Variants in DMBT1 observed in about 807,000 individuals in gnomAD.
DMBT1 encodes deleted in malignant brain tumors 1, also known as scavenger receptor cysteine-rich domain-containing protein DMBT1.
A neutral mutation model predicts 252.9 loss-of-function variants in DMBT1; 198 were observed. That is an observed-to-expected ratio of 0.78 (90% CI 0.70 to 0.88). The LOEUF (loss-of-function observed/expected upper bound fraction) is 0.88. Ranked by LOEUF, DMBT1 falls within the 40% of genes least tolerant of loss-of-function variation. The pLI, the probability that DMBT1 is intolerant of heterozygous loss-of-function variation, is 0.00. For synonymous variants in DMBT1, 990 were observed against 942.7 expected (o/e 1.05, Z -0.92); for missense variants, 2,432 against 2,404.7 (o/e 1.01, Z -0.24).
Position 122,592,850 on chromosome 10 carries a change from G to A in DMBT1, c.2500+255G>A, listed in dbSNP as rs922439311. 1.0e-4 allele frequency among the ~76,000 whole-genome samples: 15 copies of A among 148,514 alleles called. 1 individual carries two copies. Among genetic ancestry groups the A allele is most frequent in the African/African-American group, 3.4e-4 (14 of 41,096 alleles). On this transcript the variant is annotated intron_variant, in intron 20 of 55. Coordinates refer to ENST00000338354, the MANE Select transcript of DMBT1 (RefSeq NM_001377530.1). ...CTTCCTGAGGCAGTGCAAGAAAGAG[G>A]CCGAAGAGAAAACTGCTGGCTCCCC...
At chr10:122,624,182 G>A (rs2098097248) in intron 44 of DMBT1, among the ~76,000 whole-genome samples, 2 of 152,120 alleles carry the variant, frequency 1.3e-5, no homozygotes, top group Admixed American at 1.3e-4. Context: ...TGCTGCAGGG[G>A]CACTTGAGCC....
At chr10:122,589,521 G>T (rs565997209) in intron 17 of DMBT1, among the ~76,000 whole-genome samples, 1 of 148,240 alleles carries the variant, frequency 6.7e-6, no homozygotes, top group African/African-American at 2.4e-5. Context: ...CAAGCAGAGG[G>T]AGAAGAGGAA....
At chr10:122,632,794 A>G (rs1177842606) in intron 50 of DMBT1, 67 bp from the exon 51 acceptor site, 1 of 1,587,042 alleles carries the variant, frequency 6.3e-7, no homozygotes, top group Non-Finnish European at 8.6e-7. Flanking sequence ...TGCACAGCTC[A>G]TGAGCAGTCG....
intron 52 of DMBT1, among the ~76,000 whole-genome samples, chr10:122,634,430 TTCTCTCTC>T (rs764559052): frequency 0.037 from 2,729 of 74,122 alleles, 153 homozygotes; most frequent in Non-Finnish European, 0.053. Context: ...TCTCTCTCTC[TTCTCTCTC>T]TCTCTCTCTC....
rs201587029 is a variant in DMBT1 at position 122,576,403 on chromosome 10, T to C, written c.288T>C (p.Ser96=). Residue 96 remains serine, a synonymous_variant, in exon 7 of 56, where the codon TCT becomes TCC. Transcript: ENST00000338354. ...STLESTVAEG[S]DSGLALRLVN... ...AAATTCTGTGCCTTCCTCTAGGATCTGATTCTGGTTTGGCCCTGAGGCTGG... is the reference window on the plus strand; with the variant it reads ...AAATTCTGTGCCTTCCTCTAGGATCCGATTCTGGTTTGGCCCTGAGGCTGG... 3 of 1,613,766 alleles carry C rather than the reference T, an allele frequency of 1.9e-6. No individual in the cohort carries two copies. Among genetic ancestry groups the C allele is most frequent in the Non-Finnish European group, 1.7e-6 (2 of 1,179,730 alleles).
At chr10:122,629,648 G>A (rs1050156200) in intron 46 of DMBT1, among the ~76,000 whole-genome samples, 192 bp from the exon 47 acceptor site, 6 of 152,188 alleles carry the variant, frequency 3.9e-5, no homozygotes, top group Middle Eastern at 3.2e-3. Flanking sequence ...GGGAAAGCAG[G>A]GACTTGAATC....
In DMBT1 at chr10:122,618,185, C is replaced by T. The variant is rs540411429; in HGVS notation, c.5060C>T (p.Ala1687Val). 6.6e-5 allele frequency: 107 copies of T among 1,613,872 alleles called. 1 individual carries two copies. In the South Asian group the frequency reaches 1.1e-3, roughly 17 times the overall value. The change falls in exon 41 of 56, where the codon GCC becomes GTC. Residue 1687 changes from alanine to valine, a missense_variant. Physicochemically the swap from Ala to Val is moderately conservative, Grantham distance 64 (BLOSUM62 0). This residue lies in a region of DMBT1 where 1,162 missense variants were observed against 1,169.0 expected (regional missense o/e 0.99). Coordinates refer to ENST00000338354, the MANE Select transcript of DMBT1 (RefSeq NM_001377530.1). Reference protein sequence around the residue: ...RQLGCGWAMSAPGNAQFGQGS... With the variant: ...RQLGCGWAMSVPGNAQFGQGS... ...CTGGGCTGTGGCTGGGCCATGTCAG[C>T]CCCAGGAAATGCCCAGTTTGGCCAG...
chr10:122,632,554 G>A (rs1021089755), intron 50 of DMBT1, among the ~76,000 whole-genome samples: 1 of 151,950 alleles, frequency 6.6e-6, no homozygotes. Flanking sequence ...GGGACACCCC[G>A]TTTCTACCTC....
At position 122,643,204 on chromosome 10, in the gene DMBT1, C is replaced by T; in HGVS notation, c.7435C>T (p.Leu2479=). Residue 2479 remains leucine, a synonymous_variant, in exon 56 of 56, where the codon CTG becomes TTG. Coordinates refer to ENST00000338354, the MANE Select transcript of DMBT1 (RefSeq NM_001377530.1). ...CTTCCGGTTCAGGGCCTTCCACTTC[C>T]TGAACCGCTTCCCCTCCGTGTACCT... ...ARFRFRAFHF[L]NRFPSVYLRC... 6.2e-7 allele frequency: 1 copy of T among 1,614,022 alleles called. No homozygotes were observed. Among genetic ancestry groups the T allele is most frequent in the South Asian group, 1.1e-5 (1 of 91,076 alleles).
At chr10:122,585,074 C>G (rs7070333) in intron 14 of DMBT1, among the ~76,000 whole-genome samples, 197 bp from the exon 15 acceptor site, 1 of 148,594 alleles carries the variant, frequency 6.7e-6, no homozygotes, top group African/African-American at 2.4e-5. Context: ...CAGGAGGGAT[C>G]GAACTGGTCT....
chr10:122,630,014 T>C, intron 47 of DMBT1, 21 bp downstream of exon 47: 7 of 1,613,488 alleles, frequency 4.3e-6, no homozygotes, highest in Non-Finnish European at 5.1e-6. Flanking sequence ...CCTGGTCATC[T>C]GGTGAGGGGT....
At chr10:122,625,892 T>C in intron 45 of DMBT1, 41 bp from the exon 46 acceptor site, 1 of 1,552,430 alleles carries the variant, frequency 6.4e-7, no homozygotes, top group Non-Finnish European at 8.9e-7. Context: ...AATGGAAAAA[T>C]TATCTACTAA....
At chr10:122,586,443 A>C in intron 16 of DMBT1, 60 bp downstream of exon 16, 1 of 1,573,392 alleles carries the variant, frequency 6.4e-7, no homozygotes, top group South Asian at 1.2e-5. Context: ...GGAAGGTTTT[A>C]TTATGTTCTA....
At chr10:122,600,129 C>T in intron 27 of DMBT1, 36 bp downstream of exon 27, 2 of 1,600,746 alleles carry the variant, frequency 1.2e-6, no homozygotes, top group Non-Finnish European at 1.7e-6. Flanking sequence ...AATGTCCCTT[C>T]TCTTTCTGCC....
intron 27 of DMBT1, 128 bp downstream of exon 27, chr10:122,600,221 C>T: frequency 3.7e-6 from 5 of 1,347,270 alleles, no homozygotes; most frequent in Non-Finnish European, 5.1e-6. Context: ...ACCCCCAACA[C>T]CAGTTGTGTA....
At chr10:122,599,654 A>T (rs1386335465) in intron 26 of DMBT1, among the ~76,000 whole-genome samples, 2 of 152,136 alleles carry the variant, frequency 1.3e-5, no homozygotes, top group African/African-American at 4.8e-5. Context: ...CCTGTGCCCC[A>T]GGTCTGGTGT....
chr10:122,562,619 A>C (rs951555789), intron 1 of DMBT1, among the ~76,000 whole-genome samples: 1 of 152,256 alleles, frequency 6.6e-6, no homozygotes, highest in African/African-American at 2.4e-5. Context: ...CAGCCACTGT[A>C]GACAGGGAGT....
rs2098020669 is a variant in DMBT1, at chr10:122,618,318, A to G, written c.5193A>G (p.Glu1731=). 6.2e-6 allele frequency: 10 copies of G among 1,613,740 alleles called. No individual in the cohort carries two copies. Among genetic ancestry groups the G allele is most frequent in the African/African-American group, 1.3e-5 (1 of 74,914 alleles). ...TCTCCCACAACTGTGGCCATCATGA[A>G]GATGCTGGTGTCATCTGCTCAGGTG... ...GWLSHNCGHH[E]DAGVICSAAQ... Residue 1731 remains glutamate (E), a synonymous_variant, in exon 41 of 56, where the codon GAA becomes GAG. Coordinates refer to ENST00000338354, the MANE Select transcript of DMBT1 (RefSeq NM_001377530.1).
chr10:122,598,031 C>A lies in DMBT1; in HGVS notation c.2956+19C>A. The stretch of plus-strand genomic sequence containing the variant: ...ACAGTAGGTAAATATTCCTCTCGCC[C>A]CTCCCTAGGGCTCACTCTCTACCTC... On this transcript the variant is annotated intron_variant, in intron 25 of 55. Transcript: ENST00000338354. 6.2e-7 allele frequency: 1 copy of A among 1,613,850 alleles called. No homozygotes were observed. Among genetic ancestry groups the A allele is most frequent in the Non-Finnish European group, 8.5e-7 (1 of 1,179,794 alleles).
Sources: allele counts gnomAD v4.1 joint callset (sites outside exome capture counted in the v4.1 genomes callset), GRCh38; gene constraint gnomAD v4.1.1; regional missense constraint gnomAD v4.1.1; transcripts MANE v1.5; gene names NCBI Gene and HGNC (gene_info 2026-07-23, HGNC 2026-07-21).